PACRG: variants seen among roughly 807,000 people sequenced by gnomAD.
The protein encoded by PACRG is parkin coregulated gene protein.
Under a neutral mutation model 29.7 loss-of-function variants are expected in PACRG, and 29 were observed. The observed-to-expected ratio is 0.98, with a 90% CI of 0.73 to 1.33. PACRG has a LOEUF of 1.33. Among genes scored for constraint, PACRG ranks in the 40% most tolerant of loss-of-function variants. The pLI is 0.00. For missense variants in PACRG, 279 were observed against 316.2 expected, an observed-to-expected ratio of 0.88 and a Z score of 0.89; for synonymous variants, 116 against 118.7, an observed-to-expected ratio of 0.98 and a Z score of 0.15.
intron 2 of PACRG, among the ~76,000 whole-genome samples, chr6:162,934,767 T>G (rs111257563): frequency 0.014 from 2,157 of 152,316 alleles, 58 homozygotes; most frequent in African/African-American, 0.049. Flanking sequence ...TATGAAACTC[T>G]GCCAATGAGT....
intron 3 of PACRG, among the ~76,000 whole-genome samples, chr6:163,074,120 C>T (rs1228911481): frequency 1.3e-5 from 2 of 152,118 alleles, no homozygotes; most frequent in African/African-American, 2.4e-5. Context: ...TATCTGCATT[C>T]GCGTATTTAT....
chr6:163,003,257 T>C (rs76395845), intron 2 of PACRG, among the ~76,000 whole-genome samples: 1,979 of 152,328 alleles, frequency 0.013, 41 homozygotes, highest in African/African-American at 0.044. Context: ...AAATTTTCAT[T>C]TGGAAATGGG....
chr6:163,292,198 A>G (rs1177056797), intron 4 of PACRG, among the ~76,000 whole-genome samples: 1 of 151,998 alleles, frequency 6.6e-6, no homozygotes, highest in African/African-American at 2.4e-5. Flanking sequence ...AGGAAGACCG[A>G]CCTCGACAGT....
At chr6:162,848,431 AC>A (rs1294970381) in intron 2 of PACRG, among the ~76,000 whole-genome samples, 1 of 152,200 alleles carries the variant, frequency 6.6e-6, no homozygotes, top group Non-Finnish European at 1.5e-5. Context: ...AAAATATCAC[AC>A]GAGGTCTTGC....
At chr6:163,285,239 C>T (rs1245577110) in intron 4 of PACRG, among the ~76,000 whole-genome samples, 1 of 152,082 alleles carries the variant, frequency 6.6e-6, no homozygotes, top group Non-Finnish European at 1.5e-5. Context: ...AGATCCAACT[C>T]TCCCCTACCG....
chr6:162,745,062 T>C (rs1780882195), intron 1 of PACRG, among the ~76,000 whole-genome samples: 1 of 152,202 alleles, frequency 6.6e-6, no homozygotes, highest in Non-Finnish European at 1.5e-5. Context: ...ATTTATACAT[T>C]CAATGGATAA....
At chr6:163,204,399 T>C (rs1453894591) in intron 4 of PACRG, among the ~76,000 whole-genome samples, 1 of 152,226 alleles carries the variant, frequency 6.6e-6, no homozygotes, top group Non-Finnish European at 1.5e-5. Flanking sequence ...TTCTAACCTT[T>C]TCCCCTTGGT....
intron 2 of PACRG, among the ~76,000 whole-genome samples, chr6:162,854,786 G>A (rs897065155): frequency 2.6e-5 from 4 of 152,160 alleles, no homozygotes; most frequent in Non-Finnish European, 5.9e-5. Context: ...ACCTAAATGA[G>A]CCTGATGACA....
intron 2 of PACRG, among the ~76,000 whole-genome samples, chr6:162,858,741 T>TG (rs1791608951): frequency 6.6e-6 from 1 of 152,142 alleles, no homozygotes; most frequent in African/African-American, 2.4e-5. Context: ...CAGGGAGACC[T>TG]GATTGCCCAG....
chr6:163,284,897 T>C (rs1163547202), intron 4 of PACRG, among the ~76,000 whole-genome samples: 2 of 152,328 alleles, frequency 1.3e-5, no homozygotes, highest in East Asian at 3.9e-4. Flanking sequence ...CACCATGTTC[T>C]AGCTGTTTTT....
intron 1 of PACRG, among the ~76,000 whole-genome samples, chr6:162,758,295 GAT>G (rs769133451): frequency 3.9e-5 from 6 of 151,962 alleles, no homozygotes; most frequent in African/African-American, 1.5e-4. Flanking sequence ...AGACTCTAGT[GAT>G]ATATATATGT....
Position 162,785,665 on chromosome 6 carries a change from T to C in PACRG, c.157-28482T>C, listed in dbSNP as rs200092675. Among the ~76,000 whole-genome samples the C allele has an allele frequency of 1.7e-4, 26 of 152,342 alleles. No individual in the cohort carries two copies. In the East Asian group the frequency reaches 4.6e-3, roughly 27 times the overall value. ...CATTAGTTAGATTCTCATAAGAGCA[T>C]GCAAGCTAGATCCCTTGCATGTGCA... On this transcript the variant is annotated intron_variant, in intron 1 of 4. Coordinates refer to ENST00000366888, the MANE Select transcript of PACRG (RefSeq NM_001080379.2).
intron 2 of PACRG, among the ~76,000 whole-genome samples, chr6:162,919,621 T>C (rs1182250479): frequency 6.6e-6 from 1 of 152,164 alleles, no homozygotes; most frequent in Non-Finnish European, 1.5e-5. Flanking sequence ...GTCTGTGATA[T>C]TGTCAGGCTG....
intron 1 of PACRG, among the ~76,000 whole-genome samples, chr6:162,748,848 A>G (rs760278281): frequency 1.3e-5 from 2 of 152,198 alleles, no homozygotes; most frequent in Non-Finnish European, 2.9e-5. Context: ...AGTATCAACA[A>G]TAAACCATAT....
chr6:162,972,156 C>T (rs1371672556), intron 2 of PACRG, among the ~76,000 whole-genome samples: 1 of 152,178 alleles, frequency 6.6e-6, no homozygotes, highest in Non-Finnish European at 1.5e-5. Flanking sequence ...CTCAAATCTT[C>T]AAGACCTGGC....
chr6:163,308,750 A>G (rs1785289819), intron 4 of PACRG, among the ~76,000 whole-genome samples: 1 of 152,166 alleles, frequency 6.6e-6, no homozygotes, highest in Non-Finnish European at 1.5e-5. Context: ...CATGATAATA[A>G]TAAATGCAGT....
At chr6:162,813,710 A>G (rs1483141987) in intron 1 of PACRG, among the ~76,000 whole-genome samples, 2 of 152,112 alleles carry the variant, frequency 1.3e-5, no homozygotes, top group East Asian at 1.9e-4. Context: ...ACTATTTTCC[A>G]TATATATAGA....
chr6:162,939,537 T>A (rs1372179457), intron 2 of PACRG, among the ~76,000 whole-genome samples: 1 of 152,180 alleles, frequency 6.6e-6, no homozygotes, highest in African/African-American at 2.4e-5. Flanking sequence ...TTTCTTCTTT[T>A]TGGTGTTTTT....
intron 2 of PACRG, among the ~76,000 whole-genome samples, chr6:162,864,934 GAA>G (rs1193597693): frequency 6.6e-6 from 1 of 152,134 alleles, no homozygotes; most frequent in African/African-American, 2.4e-5. Flanking sequence ...CCTGTCCAAA[GAA>G]TATTTTTTTA....
Sources: gnomAD v4.1 joint callset for allele counts (sites outside exome capture counted in the v4.1 genomes callset) on GRCh38, gnomAD v4.1.1 for gene constraint, MANE v1.5 for transcripts, NCBI Gene and HGNC (gene_info 2026-07-23, HGNC 2026-07-21) for gene names.